The following TXN variants were observed in gnomAD, a reference collection of about 807,000 sequenced individuals.
TXN encodes the protein ADF.
A neutral mutation model predicts 16.5 loss-of-function variants in TXN; 10 were observed. The observed-to-expected ratio is 0.61, with a 90% CI of 0.37 to 1.03. The LOEUF (loss-of-function observed/expected upper bound fraction) is 1.03, where lower values mean the gene tolerates loss of function less well. Among genes scored for constraint, TXN ranks in the 50% least tolerant of loss-of-function variants. TXN has a pLI of 0.01. For missense variants in TXN, 71 were observed against 122.5 expected (o/e 0.58, Z 1.98); for synonymous variants, 35 against 39.4 (o/e 0.89, Z 0.42).
intron 1 of TXN, among the ~76,000 whole-genome samples, chr9:110,255,793 C>T (rs1837801600): frequency 6.6e-6 from 1 of 152,216 alleles, no homozygotes; most frequent in Non-Finnish European, 1.5e-5. Flanking sequence ...CACGCGTCAC[C>T]TTTGGGGTCG....
At position 110,243,922 on chromosome 9, in the gene TXN, C is replaced by A; in HGVS notation, c.*235G>T. The A allele has an allele frequency of 4.0e-6, 1 of 250,464 alleles. No homozygotes were observed. Among genetic ancestry groups the A allele is most frequent in the Non-Finnish European group, 7.6e-6 (1 of 131,124 alleles). The allele number at this position is 250,464 out of a possible 1,614,324, so 15.5% of individuals were successfully genotyped here. On this transcript the variant is annotated 3_prime_UTR_variant, in exon 5 of 5. Transcript: ENST00000374517. The stretch of plus-strand genomic sequence containing the variant: ...TTTAAAATCTTAAAATAATCAGTGG[C>A]CTACAAGGTTACTAAAAAGTGATTG...
At chr9:110,246,987 T>TAA (rs569968582) in intron 3 of TXN, among the ~76,000 whole-genome samples, 1 of 152,272 alleles carries the variant, frequency 6.6e-6, no homozygotes, top group Non-Finnish European at 1.5e-5. Flanking sequence ...GAGGCAAAGT[T>TAA]AAAGTTCCTC....
chr9:110,244,265 CTG>C (rs757979453), intron 4 of TXN, 46 bp from the exon 5 acceptor site: 1 of 953,098 alleles, frequency 1.0e-6, no homozygotes, highest in South Asian at 2.4e-5. Flanking sequence ...CACTGTAGCA[CTG>C]TTTTATACAT....
chr9:110,249,204 A>C (rs559770197), intron 3 of TXN, among the ~76,000 whole-genome samples: 1 of 147,092 alleles, frequency 6.8e-6, no homozygotes, highest in East Asian at 2.1e-4. Context: ...GAATTTCTCT[A>C]TTCCAGGTGC....
At chr9:110,246,946 G>A (rs1301025397) in intron 3 of TXN, among the ~76,000 whole-genome samples, 1 of 152,094 alleles carries the variant, frequency 6.6e-6, no homozygotes, top group African/African-American at 2.4e-5. Flanking sequence ...TTTCAAAAGG[G>A]CTACTACTCA....
At chr9:110,247,697 T>C (rs577803576) in intron 3 of TXN, among the ~76,000 whole-genome samples, 4 of 152,380 alleles carry the variant, frequency 2.6e-5, no homozygotes, top group South Asian at 4.1e-4. Flanking sequence ...ACTACAATTA[T>C]GGACAGTATA....
At chr9:110,250,770 A>G in intron 3 of TXN, 50 bp downstream of exon 3, 1 of 1,376,134 alleles carries the variant, frequency 7.3e-7, no homozygotes, top group Non-Finnish European at 1.0e-6. Context: ...ATTCAGAGAA[A>G]AAGGCCAATG....
At chr9:110,252,937 C>T (rs771033017) in intron 1 of TXN, among the ~76,000 whole-genome samples, 4 of 152,032 alleles carry the variant, frequency 2.6e-5, no homozygotes, top group South Asian at 2.1e-4. Flanking sequence ...CACATTAGTA[C>T]GTTAGTGCTG....
rs1446057770 is a variant in TXN at position 110,256,422 on chromosome 9, A to C, written c.14T>G (p.Ile5Ser). 4 of 1,607,362 alleles carry C rather than the reference A, an allele frequency of 2.5e-6. No homozygotes were observed. In the African/African-American group the frequency reaches 5.4e-5, roughly 22 times the overall value. Residue 5 changes from isoleucine (I) to serine (S), a missense_variant, in exon 1 of 5, where the codon ATC becomes AGC. Physicochemically the swap from Ile to Ser is moderately radical, Grantham distance 142 (BLOSUM62 -2). Transcript: ENST00000374517. This position sits in a 1 kb window ranked among gnomAD's most constrained non-coding sequence, Gnocchi z 4.2. MVKQ[I>S]ESKTAFQEAL... The stretch of plus-strand genomic sequence containing the variant: ...CCCGGTAGCGCGTACCTTGCTCTCG[A>C]TCTGCTTCACCATCTTGGCTGCTGG...
At chr9:110,255,174 G>A (rs1205528856) in intron 1 of TXN, among the ~76,000 whole-genome samples, 2 of 152,244 alleles carry the variant, frequency 1.3e-5, no homozygotes, top group Non-Finnish European at 2.9e-5. Flanking sequence ...GCACCAAACA[G>A]GTCAGGGCAC....
At chr9:110,248,421 G>C (rs1837684312) in intron 3 of TXN, among the ~76,000 whole-genome samples, 1 of 152,152 alleles carries the variant, frequency 6.6e-6, no homozygotes, top group African/African-American at 2.4e-5. Context: ...TTACTGTTGT[G>C]TTATAACTGC....
intron 3 of TXN, among the ~76,000 whole-genome samples, chr9:110,245,626 A>AT (rs1564367360): frequency 4.8e-5 from 1 of 21,012 alleles, no homozygotes; most frequent in Non-Finnish European, 7.6e-5. Flanking sequence ...CACTATATAT[A>AT]TATATATATA....
At chr9:110,251,511 C>G (rs1378659177) in intron 1 of TXN, 49 bp from the exon 2 acceptor site, 1 of 1,003,340 alleles carries the variant, frequency 1.0e-6, no homozygotes, top group East Asian at 4.2e-5. Context: ...AAATATTAAA[C>G]CTTCAAAAGA....
chr9:110,246,169 C>G (rs1837657583), intron 3 of TXN, among the ~76,000 whole-genome samples: 1 of 152,186 alleles, frequency 6.6e-6, no homozygotes, highest in Non-Finnish European at 1.5e-5. Flanking sequence ...TAAACCATTA[C>G]AGTTAAAGTC....
intron 3 of TXN, among the ~76,000 whole-genome samples, chr9:110,248,967 A>G (rs1032360990): frequency 6.6e-6 from 1 of 151,740 alleles, no homozygotes; most frequent in African/African-American, 2.4e-5. Context: ...TTAATTTTGT[A>G]AAAATACAAA....
At chr9:110,245,072 C>A (rs1017149926) in intron 3 of TXN, 13 of 348,358 alleles carry the variant, frequency 3.7e-5, no homozygotes, top group Non-Finnish European at 6.1e-5. Flanking sequence ...CTTCCTTTGA[C>A]GGGCACATTA....
intron 4 of TXN, 66 bp from the exon 5 acceptor site, chr9:110,244,285 GTATAAATATGTATT>G (rs1837617559): frequency 2.2e-6 from 1 of 455,980 alleles, no homozygotes; most frequent in Non-Finnish European, 3.3e-6. Flanking sequence ...CATAAAATAT[GTATAAATATGTATT>G]TATATATATA....
intron 4 of TXN, 92 bp from the exon 5 acceptor site, chr9:110,244,311 A>ATATACATATGTATATATATACATATT: frequency 2.6e-6 from 1 of 381,966 alleles, no homozygotes; most frequent in Non-Finnish European, 4.4e-6. Context: ...ATATATATAC[A>ATATACATATGTATATATATACATATT]TATACATATG....
At position 110,251,399 on chromosome 9, in the gene TXN, T is replaced by C; in HGVS notation, c.88A>G (p.Thr30Ala). The change falls in exon 2 of 5, where the codon ACG (threonine) becomes GCG (alanine). Residue 30 changes from threonine to alanine, a missense_variant. By Grantham distance (58) the Thr-to-Ala change is moderately conservative. Transcript: ENST00000374517. ...ATCATTTTGCAAGGCCCACACCACG[T>C]GGCTGAGAAGTCAACTACTACAAGT... Reference protein sequence around the residue: ...DKLVVVDFSATWCGPCKMIKP... With the variant: ...DKLVVVDFSAAWCGPCKMIKP... The C allele has an allele frequency of 6.2e-7, 1 of 1,612,114 alleles. No individual in the cohort carries two copies. Among genetic ancestry groups the C allele is most frequent in the East Asian group, 2.2e-5 (1 of 44,876 alleles).
Sources: allele counts gnomAD v4.1 joint callset (sites outside exome capture counted in the v4.1 genomes callset), GRCh38; gene constraint gnomAD v4.1.1; non-coding constraint Gnocchi (gnomAD v3.1); transcripts MANE v1.5; gene names NCBI Gene and HGNC (gene_info 2026-07-23, HGNC 2026-07-21).